The following PRICKLE1 variants were observed in gnomAD, a reference collection of about 807,000 sequenced individuals.
PRICKLE1 encodes the protein prickle-like protein 1.
A neutral mutation model predicts 70.2 loss-of-function variants in PRICKLE1; 14 were observed. That is an observed-to-expected ratio of 0.20 (90% CI 0.13 to 0.31). PRICKLE1 has a LOEUF of 0.31. Among genes scored for constraint, PRICKLE1 ranks in the 10% least tolerant of loss-of-function variants. The probability of loss-of-function intolerance (pLI) is 1.00; values close to 1 mark genes in which losing one functional copy is unlikely to be tolerated. For missense variants in PRICKLE1, 821 were observed against 1,026.2 expected, an observed-to-expected ratio of 0.80 and a Z score of 2.73; for synonymous variants, 357 against 379.9, an observed-to-expected ratio of 0.94 and a Z score of 0.70.
rs1351559871 is a variant in PRICKLE1 at position 42,457,478 on chromosome 12, T to G, written c.*2331A>C. ...AGAAATCTGCTAATACATTGAGAGG[T>G]TGTGATGGAACAAACACTCTCATTT... On this transcript the variant is annotated 3_prime_UTR_variant, in exon 8 of 8. Coordinates refer to ENST00000345127, the MANE Select transcript of PRICKLE1 (RefSeq NM_153026.3). 1 of 152,162 alleles carries G rather than the reference T, an allele frequency of 6.6e-6. No homozygotes were observed. Among genetic ancestry groups the G allele is most frequent in the Non-Finnish European group, 1.5e-5 (1 of 68,038 alleles). 9.4% of individuals were successfully genotyped at this position (152,162 alleles called of 1,614,324 possible). A position where few individuals can be genotyped will look rare whatever the true frequency, so the allele number is the denominator to read the frequency against.
chr12:42,517,027 C>T (rs1442937182), intron 1 of PRICKLE1, among the ~76,000 whole-genome samples: 1 of 152,168 alleles, frequency 6.6e-6, no homozygotes, highest in African/African-American at 2.4e-5. Context: ...CCACCCTTGA[C>T]AAAGGATAAA....
intron 2 of PRICKLE1, among the ~76,000 whole-genome samples, chr12:42,471,411 C>T (rs139871003): frequency 1.3e-5 from 2 of 152,156 alleles, no homozygotes; most frequent in African/African-American, 4.8e-5. Context: ...TAGTACCACA[C>T]AAAACCTACC....
intron 1 of PRICKLE1, among the ~76,000 whole-genome samples, chr12:42,552,329 A>G (rs1277714192): frequency 6.6e-6 from 1 of 152,150 alleles, no homozygotes; most frequent in East Asian, 1.9e-4. Context: ...TGGCCTCCCA[A>G]AGTGCTGGGA....
intron 1 of PRICKLE1, among the ~76,000 whole-genome samples, chr12:42,535,170 A>G (rs1426192842): frequency 6.6e-6 from 1 of 152,182 alleles, no homozygotes; most frequent in Non-Finnish European, 1.5e-5. Context: ...TTCCTGAATT[A>G]TTGAGGAAGA....
At chr12:42,471,847 CTTTAAT>C (rs1938333385) in intron 2 of PRICKLE1, among the ~76,000 whole-genome samples, 2 of 152,110 alleles carry the variant, frequency 1.3e-5, no homozygotes, top group African/African-American at 4.8e-5. Context: ...AAAATTAACT[CTTTAAT>C]TTTTTTTCCA....
Position 42,459,919 on chromosome 12 carries a change from C to T in PRICKLE1, c.2386G>A (p.Asp796Asn). The T allele has an allele frequency of 1.2e-6, 2 of 1,614,116 alleles. No homozygotes were observed. The highest frequency in any genetic ancestry group is 1.7e-6 in the Non-Finnish European group (2 of 1,180,022). The change falls in exon 8 of 8, where the codon GAT becomes AAT. Residue 796 changes from aspartate (D) to asparagine (N), a missense_variant. Asp to Asn is a conservative substitution (Grantham distance 23). Transcript: ENST00000345127. ...GCAGATGGTGGACTAGAAAGGTCAT[C>T]TGTATAGTAGGCAAATCTCTGTGGC... ...PRPQRFAYYT[D>N]DLSSPPSALP...
intron 1 of PRICKLE1, among the ~76,000 whole-genome samples, chr12:42,499,492 C>A (rs1231898450): frequency 6.6e-6 from 1 of 151,022 alleles, no homozygotes; most frequent in East Asian, 1.9e-4. Context: ...ACGATCTCAG[C>A]TGACTGTAGC....
intron 1 of PRICKLE1, among the ~76,000 whole-genome samples, chr12:42,531,882 G>T (rs1184074259): frequency 6.6e-6 from 1 of 152,032 alleles, no homozygotes; most frequent in African/African-American, 2.4e-5. Context: ...TTTTGCCCAG[G>T]TATGGTAACT....
intron 1 of PRICKLE1, among the ~76,000 whole-genome samples, chr12:42,529,711 G>A (rs573193633): frequency 3.9e-5 from 6 of 152,076 alleles, no homozygotes; most frequent in African/African-American, 1.4e-4. Context: ...CCTGGCCAAC[G>A]TGGTAAAACG....
At position 42,498,592 on chromosome 12, in the gene PRICKLE1, G is replaced by A. The variant is rs188295098; in HGVS notation, c.-48-26028C>T. ...GAGCCCAGGAGATCGAGACCAACCT[G>A]GACAATAGGATGAAACCTTGTCTCT... On this transcript the variant is annotated intron_variant, in intron 1 of 7. Coordinates refer to ENST00000345127, the MANE Select transcript of PRICKLE1 (RefSeq NM_153026.3). Among the ~76,000 whole-genome samples the A allele has an allele frequency of 5.4e-3, 828 of 152,222 alleles. 9 individuals carry two copies. The highest frequency in any genetic ancestry group is 0.019 in the African/African-American group (783 of 41,540).
chr12:42,576,339 C>A (rs1263305216), intron 1 of PRICKLE1, among the ~76,000 whole-genome samples: 1 of 152,166 alleles, frequency 6.6e-6, no homozygotes, highest in Non-Finnish European at 1.5e-5. Context: ...GGAGAGAGAA[C>A]AACAGAAAAC....
chr12:42,552,059 C>CTTTTTTTT (rs201217516), intron 1 of PRICKLE1, among the ~76,000 whole-genome samples: 2 of 129,258 alleles, frequency 1.5e-5, no homozygotes, highest in South Asian at 2.5e-4. Context: ...AAGAAAGTTA[C>CTTTTTTTT]TTTTTTTTTT....
chr12:42,484,075 C>G (rs1365619251), intron 1 of PRICKLE1: 3 of 146,296 alleles, frequency 2.1e-5, no homozygotes, highest in East Asian at 2.1e-4. Context: ...CTGCCGATCC[C>G]GCCCTTCGAT....
chr12:42,476,643 GA>G (rs1226622953), intron 1 of PRICKLE1, among the ~76,000 whole-genome samples: 1 of 150,218 alleles, frequency 6.7e-6, no homozygotes, highest in African/African-American at 2.5e-5. Context: ...CTGATAACAC[GA>G]AAACTTCAAT....
intron 1 of PRICKLE1, among the ~76,000 whole-genome samples, chr12:42,585,210 T>C (rs1022172116): frequency 2.6e-5 from 4 of 152,198 alleles, no homozygotes; most frequent in Non-Finnish European, 5.9e-5. Flanking sequence ...AAATGATAGC[T>C]GCTTGCTAGT....
chr12:42,528,294 G>A (rs886260990), intron 1 of PRICKLE1, among the ~76,000 whole-genome samples: 1 of 151,930 alleles, frequency 6.6e-6, no homozygotes, highest in Non-Finnish European at 1.5e-5. Flanking sequence ...GACTGCTCTC[G>A]AACTCCTGGG....
intron 1 of PRICKLE1, among the ~76,000 whole-genome samples, chr12:42,485,962 T>G (rs182249307): frequency 6.6e-6 from 1 of 152,324 alleles, no homozygotes; most frequent in Admixed American, 6.5e-5. Flanking sequence ...GAAACAGACT[T>G]TAGTCTGGTC....
At chr12:42,533,557 C>G (rs915599368) in intron 1 of PRICKLE1, among the ~76,000 whole-genome samples, 4 of 152,048 alleles carry the variant, frequency 2.6e-5, no homozygotes, top group Admixed American at 2.6e-4. Context: ...TGTTAAATAA[C>G]CATTTGTTAA....
At chr12:42,522,728 C>T (rs1385577283) in intron 1 of PRICKLE1, among the ~76,000 whole-genome samples, 1 of 151,998 alleles carries the variant, frequency 6.6e-6, no homozygotes, top group East Asian at 1.9e-4. Flanking sequence ...GGTGGCTAGA[C>T]AAAGTTTTGT....
Sources: gnomAD v4.1 joint callset for allele counts (sites outside exome capture counted in the v4.1 genomes callset) on GRCh38, gnomAD v4.1.1 for gene constraint, MANE v1.5 for transcripts, NCBI Gene and HGNC (gene_info 2026-07-23, HGNC 2026-07-21) for gene names.